Variants in PLGRKT observed in about 807,000 individuals in gnomAD.
PLGRKT encodes the protein plasminogen receptor (KT).
In PLGRKT, 22 loss-of-function variants were observed where a neutral mutation model predicts 18.5. The observed-to-expected ratio is 1.19, with a 90% confidence interval of 0.85 to 1.70. The LOEUF is 1.70. Among genes scored for constraint, PLGRKT ranks in the 40% most tolerant of loss-of-function variants. The probability of loss-of-function intolerance (pLI) is 0.00; values close to 1 mark genes in which losing one functional copy is unlikely to be tolerated. For missense variants in PLGRKT, 235 were observed against 174.4 expected (o/e 1.35, Z -1.96); for synonymous variants, 72 against 52.8 (o/e 1.36, Z -1.58).
At chr9:5,359,062 TTA>T (rs1392228400) in intron 5 of PLGRKT, among the ~76,000 whole-genome samples, 27 of 123,712 alleles carry the variant, frequency 2.2e-4, no homozygotes, top group African/African-American at 2.9e-4. Flanking sequence ...ACACACTATT[TTA>T]TTTTTTTTTT....
chr9:5,405,837 G>T (rs1395823442), intron 3 of PLGRKT, among the ~76,000 whole-genome samples: 1 of 152,056 alleles, frequency 6.6e-6, no homozygotes, highest in African/African-American at 2.4e-5. Context: ...CAGAATAGAA[G>T]AAAATTTTTG....
intron 3 of PLGRKT, among the ~76,000 whole-genome samples, chr9:5,382,871 G>A (rs1194458117): frequency 1.3e-5 from 2 of 152,166 alleles, no homozygotes; most frequent in Admixed American, 6.5e-5. Context: ...AGAACTGTGG[G>A]AACCTGAATG....
At chr9:5,419,761 C>A (rs1818538535) in intron 3 of PLGRKT, among the ~76,000 whole-genome samples, 1 of 152,220 alleles carries the variant, frequency 6.6e-6, no homozygotes, top group African/African-American at 2.4e-5. Context: ...GTAACCCTTA[C>A]ACTTTACAGC....
intron 3 of PLGRKT, among the ~76,000 whole-genome samples, chr9:5,430,614 C>T (rs1219496641): frequency 6.6e-6 from 1 of 152,196 alleles, no homozygotes; most frequent in Non-Finnish European, 1.5e-5. Flanking sequence ...ATTATTACCT[C>T]CAGTGTACAG....
intron 3 of PLGRKT, among the ~76,000 whole-genome samples, chr9:5,394,235 C>T (rs1172423886): frequency 6.6e-6 from 1 of 151,760 alleles, no homozygotes. Context: ...TACATGACTT[C>T]CTGATGAACT....
intron 3 of PLGRKT, among the ~76,000 whole-genome samples, chr9:5,422,674 C>T (rs186658184): frequency 8.3e-4 from 126 of 152,142 alleles, no homozygotes; most frequent in Admixed American, 4.6e-4. Context: ...GAAATTATTG[C>T]TAATTTAGCT....
intron 3 of PLGRKT, among the ~76,000 whole-genome samples, chr9:5,387,878 C>G (rs764774348): frequency 1.3e-5 from 2 of 151,752 alleles, no homozygotes; most frequent in Admixed American, 6.6e-5. Context: ...ATCCAGGCAA[C>G]AAACAGGGGT....
At position 5,372,473 on chromosome 9, in the gene PLGRKT, C is replaced by T. The variant is rs558325222; in HGVS notation, c.82-10585G>A. On this transcript the variant is annotated intron_variant, in intron 3 of 5. Coordinates refer to ENST00000223864, the MANE Select transcript of PLGRKT (RefSeq NM_018465.4). The stretch of plus-strand genomic sequence containing the variant: ...ACAAGATTGATTTCAGGGTATCTGG[C>T]AATTACAGAATTTCTGGGGGAGCAT... Among the ~76,000 whole-genome samples the T allele has an allele frequency of 2.6e-5, 4 of 152,254 alleles. No individual in the cohort carries two copies. In the South Asian group the frequency reaches 8.3e-4, roughly 32 times the overall value.
chr9:5,410,336 G>C (rs781329934), intron 3 of PLGRKT, among the ~76,000 whole-genome samples: 5 of 152,032 alleles, frequency 3.3e-5, no homozygotes, highest in African/African-American at 7.2e-5. Context: ...AGGAGTTTAA[G>C]ACCAGCCTAG....
At chr9:5,434,148 C>A (rs1367214205) in intron 2 of PLGRKT, among the ~76,000 whole-genome samples, 3 of 147,010 alleles carry the variant, frequency 2.0e-5, no homozygotes, top group Non-Finnish European at 1.5e-5. Flanking sequence ...CGCCGCCACC[C>A]CGTCTGGGAA....
intron 3 of PLGRKT, among the ~76,000 whole-genome samples, chr9:5,377,855 G>T (rs368236868): frequency 6.6e-6 from 1 of 152,208 alleles, no homozygotes; most frequent in African/African-American, 2.4e-5. Context: ...GGGTCTGAAA[G>T]AGAAGAGCTG....
intron 3 of PLGRKT, among the ~76,000 whole-genome samples, chr9:5,384,159 G>A (rs1352140082): frequency 1.3e-5 from 2 of 152,202 alleles, no homozygotes; most frequent in African/African-American, 4.8e-5. Context: ...AGGTTAAAGT[G>A]ATGGAAGTAA....
chr9:5,378,521 C>A (rs1297981906), intron 3 of PLGRKT, among the ~76,000 whole-genome samples: 1 of 152,154 alleles, frequency 6.6e-6, no homozygotes, highest in Non-Finnish European at 1.5e-5. Context: ...AGACAAAAAA[C>A]TAGCCCATGC....
intron 3 of PLGRKT, among the ~76,000 whole-genome samples, chr9:5,367,448 C>T (rs1817418629): frequency 1.3e-5 from 2 of 152,094 alleles, no homozygotes; most frequent in South Asian, 2.1e-4. Flanking sequence ...TACCTACAAC[C>T]ATCTGATCTT....
chr9:5,364,714 T>TCTCTCACTGTAA (rs1335262209), intron 3 of PLGRKT, among the ~76,000 whole-genome samples: 2 of 152,168 alleles, frequency 1.3e-5, no homozygotes, highest in African/African-American at 4.8e-5. Flanking sequence ...AGTAAAACTG[T>TCTCTCACTGTAA]CTCTCACGAG....
At chr9:5,433,207 G>C (rs1174119970) in intron 2 of PLGRKT, among the ~76,000 whole-genome samples, 3 of 150,990 alleles carry the variant, frequency 2.0e-5, no homozygotes, top group African/African-American at 7.3e-5. Context: ...TAGGAAGTGA[G>C]GAGCATCTCT....
chr9:5,382,647 C>A (rs566893776), intron 3 of PLGRKT, among the ~76,000 whole-genome samples: 80 of 152,296 alleles, frequency 5.3e-4, no homozygotes, highest in African/African-American at 1.7e-3. Context: ...TCGTGGGGAG[C>A]CACAAAGTCA....
chr9:5,379,455 G>A (rs1452803730), intron 3 of PLGRKT, among the ~76,000 whole-genome samples: 1 of 152,122 alleles, frequency 6.6e-6, no homozygotes, highest in Non-Finnish European at 1.5e-5. Flanking sequence ...TTTCTCAGAG[G>A]CACTAGTCAC....
At chr9:5,422,492 A>G (rs866753240) in intron 3 of PLGRKT, among the ~76,000 whole-genome samples, 2 of 151,994 alleles carry the variant, frequency 1.3e-5, no homozygotes, top group South Asian at 2.1e-4. Flanking sequence ...GGTTTCTTCA[A>G]CAAATAAATA....
Sources: allele counts gnomAD v4.1 joint callset (sites outside exome capture counted in the v4.1 genomes callset), GRCh38; gene constraint gnomAD v4.1.1; transcripts MANE v1.5; gene names NCBI Gene and HGNC (gene_info 2026-07-23, HGNC 2026-07-21).